Variants in ZNF326 observed in about 807,000 individuals in gnomAD.
ZNF326 encodes the protein DBIRD complex subunit ZNF326.
A neutral mutation model predicts 63.1 loss-of-function variants in ZNF326; 30 were observed. That is an observed-to-expected ratio of 0.48 (90% CI 0.36 to 0.64). ZNF326 has a LOEUF of 0.64. ZNF326 is among the 30% of genes least tolerant of loss of function. The pLI is 0.00. For missense variants in ZNF326, 609 were observed against 720.3 expected, an observed-to-expected ratio of 0.85 and a Z score of 1.77; for synonymous variants, 194 against 228.2, an observed-to-expected ratio of 0.85 and a Z score of 1.35.
chr1:89,997,851 T>C (rs983400233), intron 1 of ZNF326, among the ~76,000 whole-genome samples: 1 of 152,218 alleles, frequency 6.6e-6, no homozygotes, highest in African/African-American at 2.4e-5. Flanking sequence ...TTGGCTGTTA[T>C]TATGTATCAG....
Position 90,027,869 on chromosome 1 carries a change from G to A in ZNF326, c.*168G>A, listed in dbSNP as rs1247560080. ...ATGTTTAACATTTGTTTAATAAAAT[G>A]AAGGCAAAACTATTTTAGTTTAGTT... On this transcript the variant is annotated 3_prime_UTR_variant, in exon 12 of 12. Coordinates refer to ENST00000340281, the MANE Select transcript of ZNF326 (RefSeq NM_182976.4). The A allele has an allele frequency of 3.7e-5, 24 of 644,904 alleles. No individual in the cohort carries two copies. Among genetic ancestry groups the A allele is most frequent in the Admixed American group, 6.9e-5 (2 of 28,996 alleles). The allele number at this position is 644,904 out of a possible 1,614,324, so 39.9% of individuals were successfully genotyped here.
At chr1:90,020,577 A>T (rs1444896526) in intron 9 of ZNF326, among the ~76,000 whole-genome samples, 1 of 152,100 alleles carries the variant, frequency 6.6e-6, no homozygotes, top group Non-Finnish European at 1.5e-5. Context: ...AGGAACTATA[A>T]TGTAATTGTA....
At chr1:90,000,934 A>G (rs1475903083) in intron 2 of ZNF326, among the ~76,000 whole-genome samples, 1 of 152,186 alleles carries the variant, frequency 6.6e-6, no homozygotes, top group Non-Finnish European at 1.5e-5. Flanking sequence ...CTTGTGTTCT[A>G]GAGACATCAA....
intron 7 of ZNF326, among the ~76,000 whole-genome samples, chr1:90,013,958 G>A (rs1649374244): frequency 2.0e-5 from 3 of 151,980 alleles, no homozygotes; most frequent in Non-Finnish European, 4.4e-5. Context: ...CCAGCTACTC[G>A]GGAGGCTGAG....
chr1:90,019,515 G>A (rs186545797), intron 9 of ZNF326, among the ~76,000 whole-genome samples: 1 of 151,922 alleles, frequency 6.6e-6, no homozygotes, highest in Non-Finnish European at 1.5e-5. Context: ...TGTTTCTGTG[G>A]CACTTCACTG....
At chr1:90,019,856 A>G (rs948297567) in intron 9 of ZNF326, among the ~76,000 whole-genome samples, 1 of 152,154 alleles carries the variant, frequency 6.6e-6, no homozygotes, top group African/African-American at 2.4e-5. Context: ...CAAAGAAAGC[A>G]AAACAAAACC....
rs777690314 is a variant in ZNF326 at position 90,007,631 on chromosome 1, A to G, written c.496A>G (p.Lys166Glu). The change falls in exon 5 of 12, where the codon AAG becomes GAG. Residue 166 changes from lysine to glutamate, a missense_variant. Transcript: ENST00000340281. The surrounding 1 kb of genome is among the most constrained non-coding windows in gnomAD (Gnocchi z 4.9). Reference sequence around the variant, plus strand: ...CAGCAGTTTTTCTTCACCCCATATGAAGCCTGCACCTGTAGGCTCTCGGGG... The same window carrying G: ...CAGCAGTTTTTCTTCACCCCATATGGAGCCTGCACCTGTAGGCTCTCGGGG... Reference protein sequence around the residue: ...SYSSFSSPHMKPAPVGSRGRG... With the variant: ...SYSSFSSPHMEPAPVGSRGRG... The G allele has an allele frequency of 6.3e-7, 1 of 1,582,164 alleles. No homozygotes were observed. The highest frequency in any genetic ancestry group is 8.6e-7 in the Non-Finnish European group (1 of 1,163,656).
intron 2 of ZNF326, among the ~76,000 whole-genome samples, chr1:90,002,429 AT>A (rs1227451905): frequency 6.6e-6 from 1 of 152,114 alleles, no homozygotes; most frequent in Admixed American, 6.5e-5. Flanking sequence ...AAAACATAAG[AT>A]TTTTTTCTCT....
At chr1:90,014,137 C>T (rs1356811838) in intron 7 of ZNF326, among the ~76,000 whole-genome samples, 1 of 151,244 alleles carries the variant, frequency 6.6e-6, no homozygotes. Flanking sequence ...CCTCATATGA[C>T]ACCTGGAATG....
chr1:90,006,284 A>T (rs962529767), intron 4 of ZNF326: 28 of 980,598 alleles, frequency 2.9e-5, no homozygotes, highest in Non-Finnish European at 3.1e-5. Context: ...CTATTTAGTG[A>T]TCTGTAAATA....
At position 90,022,270 on chromosome 1, in the gene ZNF326, AAG is replaced by A. The variant is rs1210032023; in HGVS notation, c.1333_1334del (p.Ser445CysfsTer10). The A allele has an allele frequency of 1.9e-6, 3 of 1,612,088 alleles. No homozygotes were observed. Among genetic ancestry groups the A allele is most frequent in the Non-Finnish European group, 2.5e-6 (3 of 1,179,000 alleles). On this transcript the variant is annotated frameshift_variant, in exon 11 of 12. Transcript: ENST00000340281. LOFTEE classifies it high-confidence loss of function. ...TATAGGCTTATAAGGAACAAATAAA[AAG>A]AGAGAGTGTCTTGACTGCTACAAGC... The part of the protein sequence containing the change: ...GKQAYKEQIK[R>X]ESVLTATSIL...
At position 90,027,768 on chromosome 1, in the gene ZNF326, T is replaced by A; in HGVS notation, c.*67T>A. The A allele has an allele frequency of 6.8e-7, 1 of 1,475,416 alleles. No individual in the cohort carries two copies. Among genetic ancestry groups the A allele is most frequent in the Non-Finnish European group, 9.4e-7 (1 of 1,065,098 alleles). 91.4% of individuals were successfully genotyped at this position (1,475,416 alleles called of 1,614,324 possible). ...CTAATGTAAAAAAGGGTAAGAAATT[T>A]AATAGCTTAAAATATGAATTAACAC... On this transcript the variant is annotated 3_prime_UTR_variant, in exon 12 of 12. Coordinates refer to ENST00000340281, the MANE Select transcript of ZNF326 (RefSeq NM_182976.4).
chr1:90,012,744 C>A (rs1649310106), intron 6 of ZNF326, among the ~76,000 whole-genome samples: 1 of 152,114 alleles, frequency 6.6e-6, no homozygotes, highest in Non-Finnish European at 1.5e-5. Context: ...TACTGGACTT[C>A]CATTTTCATG....
chr1:90,002,190 C>T (rs1648718687), intron 2 of ZNF326, among the ~76,000 whole-genome samples: 1 of 152,096 alleles, frequency 6.6e-6, no homozygotes, highest in South Asian at 2.1e-4. Flanking sequence ...GACTTTTCCT[C>T]CTGTTTAAAT....
rs185801366 is a variant in ZNF326, at chr1:90,023,064, A to G, written c.1401+719A>G. Among the ~76,000 whole-genome samples the G allele has an allele frequency of 4.2e-3, 646 of 152,302 alleles. 4 individuals carry two copies. Among genetic ancestry groups the G allele is most frequent in the African/African-American group, 0.015 (612 of 41,574 alleles). On this transcript the variant is annotated intron_variant, in intron 11 of 11. Coordinates refer to ENST00000340281, the MANE Select transcript of ZNF326 (RefSeq NM_182976.4). ...CTCTTTACTCCTCAGGGTTTTTGCC[A>G]TATGTTATGGCTTGAATCCATCTTT...
At chr1:90,000,711 G>C (rs1375075899) in intron 2 of ZNF326, among the ~76,000 whole-genome samples, 2 of 152,132 alleles carry the variant, frequency 1.3e-5, no homozygotes, top group Non-Finnish European at 2.9e-5. Flanking sequence ...ACGCTGGCTT[G>C]ACTAGAACAG....
Position 89,995,183 on chromosome 1 carries a change from C to A in ZNF326, c.-75C>A. 1 of 1,495,912 alleles carries A rather than the reference C, an allele frequency of 6.7e-7. No individual in the cohort carries two copies. Among genetic ancestry groups the A allele is most frequent in the Non-Finnish European group, 8.9e-7 (1 of 1,117,832 alleles). The allele number at this position is 1,495,912 out of a possible 1,614,324, so 92.7% of individuals were successfully genotyped here. A position where few individuals can be genotyped will look rare whatever the true frequency, so the allele number is the denominator to read the frequency against. On this transcript the variant is annotated 5_prime_UTR_variant, in exon 1 of 12. Transcript: ENST00000340281. ...GTCGCGCGGAGTGATCGTGTGGAATCGCGGGTCGCGGACGCTCGCCGCCGG... is the reference window on the plus strand; with the variant it reads ...GTCGCGCGGAGTGATCGTGTGGAATAGCGGGTCGCGGACGCTCGCCGCCGG...
intron 8 of ZNF326, among the ~76,000 whole-genome samples, chr1:90,018,054 G>A (rs1570314136): frequency 6.6e-6 from 1 of 152,302 alleles, no homozygotes; most frequent in East Asian, 1.9e-4. Context: ...AGCACTTTGG[G>A]AGGCTGAAGC....
At chr1:90,018,539 T>C (rs1166240009) in intron 8 of ZNF326, 146 bp from the exon 9 acceptor site, 3 of 441,452 alleles carry the variant, frequency 6.8e-6, no homozygotes, top group Non-Finnish European at 1.2e-5. Flanking sequence ...ATGATTATCT[T>C]TTCAATTAAA....
Sources: gnomAD v4.1 joint callset for allele counts (sites outside exome capture counted in the v4.1 genomes callset) on GRCh38, gnomAD v4.1.1 for gene constraint, Gnocchi (gnomAD v3.1) non-coding constraint, MANE v1.5 for transcripts, NCBI Gene and HGNC (gene_info 2026-07-23, HGNC 2026-07-21) for gene names.